AP4E1: variants seen among roughly 807,000 people sequenced by gnomAD.
AP4E1 encodes adaptor related protein complex 4 subunit epsilon 1, also known as AP-4 complex subunit epsilon-1.
A neutral mutation model predicts 128.2 loss-of-function variants in AP4E1; 56 were observed. That is an observed-to-expected ratio of 0.44 (90% confidence interval 0.35 to 0.55). The LOEUF (loss-of-function observed/expected upper bound fraction) is 0.55. Ranked by LOEUF, AP4E1 falls within the 20% of genes least tolerant of loss-of-function variation. AP4E1 has a pLI of 0.00. For missense variants in AP4E1, 1,324 were observed against 1,307.7 expected, an observed-to-expected ratio of 1.01 and a Z score of -0.19; for synonymous variants, 484 against 473.1, an observed-to-expected ratio of 1.02 and a Z score of -0.30.
intron 6 of AP4E1, among the ~76,000 whole-genome samples, chr15:50,929,679 T>G (rs2063808550): frequency 6.6e-6 from 1 of 152,218 alleles, no homozygotes; most frequent in Non-Finnish European, 1.5e-5. Flanking sequence ...AAACCATTTG[T>G]GTTCAAATAT....
At chr15:50,947,989 ATAT>A (rs767032210) in intron 10 of AP4E1, 28 bp from the exon 11 acceptor site, 3 of 1,501,820 alleles carry the variant, frequency 2.0e-6, no homozygotes, top group Non-Finnish European at 2.8e-6. Flanking sequence ...TAGTTTTATA[ATAT>A]TGTTTTTAAT....
At chr15:50,913,695 T>A (rs147856970) in intron 2 of AP4E1, among the ~76,000 whole-genome samples, 1,610 of 152,350 alleles carry the variant, frequency 0.011, 26 homozygotes, top group Non-Finnish European at 0.012. Flanking sequence ...AAATCTAGGG[T>A]TGAAACTTAA....
chr15:50,963,779 G>T (rs114967508), intron 14 of AP4E1, among the ~76,000 whole-genome samples: 2 of 152,206 alleles, frequency 1.3e-5, no homozygotes, highest in African/African-American at 4.8e-5. Context: ...TCTGATTTAC[G>T]TATTACACAT....
intron 6 of AP4E1, 114 bp from the exon 7 acceptor site, chr15:50,930,691 A>G: frequency 9.5e-7 from 1 of 1,051,990 alleles, no homozygotes; most frequent in Non-Finnish European, 1.4e-6. Flanking sequence ...GTTTCATTAA[A>G]TGTGAACATA....
At chr15:50,993,980 T>C (rs1022590766) in intron 17 of AP4E1, among the ~76,000 whole-genome samples, 5 of 152,238 alleles carry the variant, frequency 3.3e-5, no homozygotes, top group African/African-American at 1.2e-4. Context: ...TCAACAGTAT[T>C]GATATATCTT....
At chr15:50,947,859 G>T (rs987213997) in intron 10 of AP4E1, among the ~76,000 whole-genome samples, 161 bp from the exon 11 acceptor site, 4 of 152,130 alleles carry the variant, frequency 2.6e-5, no homozygotes, top group African/African-American at 9.7e-5. Context: ...CCTTTCTTAA[G>T]CTTTTCATTG....
chr15:50,940,626 C>G (rs2063972436), intron 8 of AP4E1, among the ~76,000 whole-genome samples: 1 of 152,182 alleles, frequency 6.6e-6, no homozygotes, highest in African/African-American at 2.4e-5. Context: ...TGTCACACTT[C>G]TGATACTATG....
intron 17 of AP4E1, 49 bp downstream of exon 17, chr15:50,993,674 C>G: frequency 6.2e-7 from 1 of 1,609,138 alleles, no homozygotes; most frequent in Non-Finnish European, 8.5e-7. Context: ...TCTGTCTGTA[C>G]AAAAAAAACT....
At chr15:50,977,416 T>A (rs1453465349) in intron 15 of AP4E1, among the ~76,000 whole-genome samples, 16 of 152,152 alleles carry the variant, frequency 1.1e-4, no homozygotes, top group Admixed American at 1.0e-3. Flanking sequence ...TAGAACCACA[T>A]TATAAATGGG....
chr15:50,911,509 G>T (rs572079131), intron 1 of AP4E1, among the ~76,000 whole-genome samples: 1 of 135,100 alleles, frequency 7.4e-6, no homozygotes, highest in African/African-American at 2.8e-5. Flanking sequence ...TTTAGATGGA[G>T]TCTTGCTCTG....
At chr15:50,929,267 A>T in intron 6 of AP4E1, 99 bp downstream of exon 6, 1 of 1,305,886 alleles carries the variant, frequency 7.7e-7, no homozygotes, top group Non-Finnish European at 1.1e-6. Context: ...TGCTTAGTTA[A>T]CATTTTATAA....
At chr15:50,908,587 C>A, upstream of AP4E1, 2 of 658,644 alleles carry the variant, frequency 3.0e-6, no homozygotes, top group Non-Finnish European at 4.5e-6. Flanking sequence ...TTTCCACCCC[C>A]GCGGTCTCTT....
Position 50,923,999 on chromosome 15 carries a change from G to A in AP4E1, c.415G>A (p.Val139Ile), listed in dbSNP as rs769741197. 4 of 1,604,612 alleles carry A rather than the reference G, an allele frequency of 2.5e-6. No homozygotes were observed. Among genetic ancestry groups the A allele is most frequent in the Non-Finnish European group, 3.4e-6 (4 of 1,171,896 alleles). ...ATTGCTTCTCCTTGTGAATACAGTTGTAAAGGTATTGTATTGTATGTTGGT... is the reference window on the plus strand; with the variant it reads ...ATTGCTTCTCCTTGTGAATACAGTTATAAAGGTATTGTATTGTATGTTGGT... ...ELLLLLVNTV[V>I]KDLQSTNLVE... The change falls in exon 4 of 21, where the codon GTA becomes ATA. Residue 139 changes from valine (V) to isoleucine (I), a missense_variant. Coordinates refer to ENST00000261842, the MANE Select transcript of AP4E1 (RefSeq NM_007347.5).
intron 15 of AP4E1, among the ~76,000 whole-genome samples, chr15:50,978,048 T>A (rs1254485194): frequency 6.6e-6 from 1 of 152,224 alleles, no homozygotes; most frequent in Non-Finnish European, 1.5e-5. Flanking sequence ...TGTAATCATT[T>A]GCAGAGAGTA....
intron 8 of AP4E1, among the ~76,000 whole-genome samples, chr15:50,937,963 TAAATTGAGA>T (rs1355949113): frequency 1.3e-5 from 2 of 152,270 alleles, no homozygotes; most frequent in Admixed American, 6.5e-5. Context: ...AGTAAATTAG[TAAATTGAGA>T]AAATTATATA....
intron 14 of AP4E1, among the ~76,000 whole-genome samples, chr15:50,960,231 A>G (rs995516929): frequency 1.3e-5 from 2 of 152,152 alleles, no homozygotes; most frequent in Admixed American, 6.5e-5. Flanking sequence ...CCGAAAATCA[A>G]CAAAGAAGCA....
chr15:51,002,378 C>T (rs1337544807), intron 20 of AP4E1, 124 bp from the exon 21 acceptor site: 3 of 997,820 alleles, frequency 3.0e-6, no homozygotes, highest in Admixed American at 3.6e-5. Context: ...TTTGCAGTCT[C>T]CTTAGTGGTT....
chr15:50,951,706 T>G (rs1430042448), intron 13 of AP4E1, among the ~76,000 whole-genome samples: 1 of 151,756 alleles, frequency 6.6e-6, no homozygotes, highest in African/African-American at 2.4e-5. Context: ...TTAGTTTAGT[T>G]TTTTCAGTTA....
chr15:50,932,950 C>A lies in AP4E1; in HGVS notation c.870-1674C>A, dbSNP rs145065360. The stretch of plus-strand genomic sequence containing the variant: ...GTTACTGGAATTTATGTTTTAAAAT[C>A]ATGAATTTTATATTAATGCATCAGA... On this transcript the variant is annotated intron_variant, in intron 7 of 20. Coordinates refer to ENST00000261842, the MANE Select transcript of AP4E1 (RefSeq NM_007347.5). Among the ~76,000 whole-genome samples the A allele has an allele frequency of 1.6e-4, 25 of 152,278 alleles. No homozygotes were observed. The East Asian group carries it at 4.6e-3, about 28-fold the overall frequency.
Sources: allele counts gnomAD v4.1 joint callset (sites outside exome capture counted in the v4.1 genomes callset), GRCh38; gene constraint gnomAD v4.1.1; transcripts MANE v1.5; gene names NCBI Gene and HGNC (gene_info 2026-07-23, HGNC 2026-07-21).